Variants in DLGAP2 observed in about 807,000 individuals in gnomAD.
DLGAP2 encodes the protein DLG associated protein 2.
Under a neutral mutation model 100.3 loss-of-function variants are expected in DLGAP2, and 26 were observed. The ratio of observed to expected loss-of-function variants is 0.26; its 90% CI spans 0.19 to 0.36. The LOEUF (loss-of-function observed/expected upper bound fraction) is 0.36, where lower values mean the gene tolerates loss of function less well. Among genes scored for constraint, DLGAP2 ranks in the 10% least tolerant of loss-of-function variants. DLGAP2 has a pLI of 1.00. For synonymous variants in DLGAP2, 886 were observed against 630.1 expected, an observed-to-expected ratio of 1.41 and a Z score of -6.08; for missense variants, 1,858 against 1,453.2, an observed-to-expected ratio of 1.28 and a Z score of -4.53.
intron 3 of DLGAP2, among the ~76,000 whole-genome samples, chr8:1,358,731 G>A (rs557596207): frequency 1.3e-5 from 2 of 151,378 alleles, no homozygotes; most frequent in African/African-American, 2.4e-5. Context: ...ACCATGCTGC[G>A]CAGACAGGGG....
intron 8 of DLGAP2, 104 bp from the exon 9 acceptor site, chr8:1,668,225 C>G (rs1798593755): frequency 1.8e-6 from 2 of 1,099,056 alleles, no homozygotes; most frequent in Non-Finnish European, 2.5e-6. Flanking sequence ...CGTCCAGGAA[C>G]AGACTTGCTC....
At chr8:1,329,708 G>A (rs936784822) in intron 3 of DLGAP2, among the ~76,000 whole-genome samples, 3 of 152,278 alleles carry the variant, frequency 2.0e-5, no homozygotes, top group Middle Eastern at 3.4e-3. Flanking sequence ...CCGTGCGTGA[G>A]GTCACCTTCT....
At chr8:1,495,993 A>G (rs1799535092) in intron 3 of DLGAP2, among the ~76,000 whole-genome samples, 1 of 152,140 alleles carries the variant, frequency 6.6e-6, no homozygotes, top group African/African-American at 2.4e-5. Flanking sequence ...ATTCCCAGGC[A>G]GTGACGTGGG....
intron 8 of DLGAP2, among the ~76,000 whole-genome samples, chr8:1,645,438 G>C (rs1251926703): frequency 6.6e-6 from 1 of 152,148 alleles, no homozygotes; most frequent in African/African-American, 2.4e-5. Context: ...TACGATGTTT[G>C]GTGGGTTAAA....
chr8:1,134,593 A>G (rs945934348), intron 2 of DLGAP2, among the ~76,000 whole-genome samples: 2 of 152,366 alleles, frequency 1.3e-5, no homozygotes, highest in South Asian at 2.1e-4. Context: ...AATCTAAAAC[A>G]TGATTTCAAA....
chr8:1,364,264 G>A (rs1802054829), intron 3 of DLGAP2, among the ~76,000 whole-genome samples: 1 of 152,206 alleles, frequency 6.6e-6, no homozygotes, highest in African/African-American at 2.4e-5. Context: ...CTTGAAGCCA[G>A]CTGCCCCCAG....
intron 1 of DLGAP2, among the ~76,000 whole-genome samples, chr8:885,000 T>G (rs1797893768): frequency 6.6e-6 from 1 of 152,232 alleles, no homozygotes; most frequent in Non-Finnish European, 1.5e-5. Context: ...TATGTCTGTT[T>G]TGGTGTCAGT....
chr8:1,061,173 CTTGTTCGTGGTG>C (rs1324885403), intron 2 of DLGAP2, among the ~76,000 whole-genome samples: 2 of 152,184 alleles, frequency 1.3e-5, no homozygotes, highest in African/African-American at 2.4e-5. Flanking sequence ...GCCAGCCAGC[CTTGTTCGTGGTG>C]AGCCATTCTG....
chr8:995,978 A>G (rs1800772604), intron 2 of DLGAP2, among the ~76,000 whole-genome samples: 1 of 152,184 alleles, frequency 6.6e-6, no homozygotes, highest in South Asian at 2.1e-4. Context: ...TGGCACCTGA[A>G]CATCCCTCCC....
At chr8:1,275,606 A>G (rs1041586538) in intron 3 of DLGAP2, among the ~76,000 whole-genome samples, 20 of 150,168 alleles carry the variant, frequency 1.3e-4, no homozygotes, top group Non-Finnish European at 1.5e-4. Context: ...CAAAACCTCT[A>G]TTTGTAAGAA....
intron 1 of DLGAP2, among the ~76,000 whole-genome samples, chr8:880,672 C>T (rs562289125): frequency 8.6e-5 from 13 of 150,314 alleles, no homozygotes; most frequent in Non-Finnish European, 1.3e-4. Context: ...ATAGGTGGGT[C>T]GGGGTGACCG....
At chr8:1,040,854 G>C (rs898664213) in intron 2 of DLGAP2, among the ~76,000 whole-genome samples, 1 of 152,156 alleles carries the variant, frequency 6.6e-6, no homozygotes, top group South Asian at 2.1e-4. Flanking sequence ...CACTGACTCC[G>C]AGGTGAGCTC....
chr8:1,054,522 A>C (rs1221724889), intron 2 of DLGAP2, among the ~76,000 whole-genome samples: 1 of 152,216 alleles, frequency 6.6e-6, no homozygotes, highest in Non-Finnish European at 1.5e-5. Flanking sequence ...ACTGTATATT[A>C]GAATATATGA....
chr8:907,772 A>G (rs1481714228), intron 1 of DLGAP2, 140 bp from the exon 2 acceptor site: 1 of 392,054 alleles, frequency 2.6e-6, no homozygotes, highest in Non-Finnish European at 4.5e-6. Context: ...GTACCGTTTA[A>G]TTTGTTAGGC....
chr8:1,422,491 G>C (rs1196075295), intron 3 of DLGAP2, among the ~76,000 whole-genome samples: 1 of 151,216 alleles, frequency 6.6e-6, no homozygotes, highest in African/African-American at 2.4e-5. Context: ...TGTCTTTAGA[G>C]ACTTAATGTA....
chr8:1,433,738 C>T (rs867921007), intron 3 of DLGAP2, among the ~76,000 whole-genome samples: 211 of 124,114 alleles, frequency 1.7e-3, no homozygotes, highest in Middle Eastern at 4.2e-3. Flanking sequence ...GCAAAACTGG[C>T]TTTTTTTTTT....
intron 2 of DLGAP2, among the ~76,000 whole-genome samples, chr8:956,418 C>T (rs555210354): frequency 2.0e-5 from 3 of 152,294 alleles, no homozygotes; most frequent in South Asian, 2.1e-4. Context: ...GGCTGGAGAT[C>T]ACTGCAGGCT....
At chr8:1,303,535 G>A (rs4636234) in intron 3 of DLGAP2, among the ~76,000 whole-genome samples, 1 of 152,086 alleles carries the variant, frequency 6.6e-6, no homozygotes, top group Non-Finnish European at 1.5e-5. Context: ...TGTGCGCTGC[G>A]CTGGTCTTAT....
chr8:1,266,888 C>A (rs993848175), intron 3 of DLGAP2, among the ~76,000 whole-genome samples: 1 of 151,980 alleles, frequency 6.6e-6, no homozygotes, highest in Admixed American at 6.5e-5. Context: ...TGCGTTATCC[C>A]AGCAGAAGAT....
Sources: gnomAD v4.1 joint callset for allele counts (sites outside exome capture counted in the v4.1 genomes callset) on GRCh38, gnomAD v4.1.1 for gene constraint, MANE v1.5 for transcripts, NCBI Gene and HGNC (gene_info 2026-07-23, HGNC 2026-07-21) for gene names.